Variants in TBCA observed in about 807,000 individuals in gnomAD.
TBCA encodes tubulin folding cofactor A, also known as tubulin-specific chaperone A.
Under a neutral mutation model 15.8 loss-of-function variants are expected in TBCA, and 6 were observed. The ratio of observed to expected loss-of-function variants is 0.38; its 90% CI spans 0.21 to 0.75. The LOEUF is 0.75. Ranked by LOEUF, TBCA falls within the 30% of genes least tolerant of loss-of-function variation. TBCA has a pLI of 0.46. For missense variants in TBCA, 90 were observed against 131.2 expected, an observed-to-expected ratio of 0.69 and a Z score of 1.53; for synonymous variants, 32 against 42.3, an observed-to-expected ratio of 0.76 and a Z score of 0.94.
Position 77,708,343 on chromosome 5 carries a change from C to A in TBCA, c.58G>T (p.Val20Phe), listed in dbSNP as rs757339439. The change falls in exon 2 of 4, where the codon GTC becomes TTC. Residue 20 changes from valine to phenylalanine, a missense_variant. Physicochemically the swap from Val to Phe is conservative, Grantham distance 50 (BLOSUM62 -1). Coordinates refer to ENST00000380377, the MANE Select transcript of TBCA (RefSeq NM_004607.3). Reference protein sequence around the residue: ...KIKTGVVKRLVKEKVMYEKEA... With the variant: ...KIKTGVVKRLFKEKVMYEKEA... ...TTTTCATACATCACTTTTTCTTTGACCAACCTATAAAAAAGCCAAAAATGT... is the reference window on the plus strand; with the variant it reads ...TTTTCATACATCACTTTTTCTTTGAACAACCTATAAAAAAGCCAAAAATGT... 6.2e-7 allele frequency: 1 copy of A among 1,605,210 alleles called. No homozygotes were observed. The highest frequency in any genetic ancestry group is 8.5e-7 in the Non-Finnish European group (1 of 1,175,154).
At position 77,730,062 on chromosome 5, in the gene TBCA, T is replaced by G. The variant is rs563137512; in HGVS notation, c.54-21715A>C. Among the ~76,000 whole-genome samples the G allele has an allele frequency of 4.3e-3, 656 of 152,334 alleles. 3 individuals carry two copies. The highest frequency in any genetic ancestry group is 7.7e-3 in the Non-Finnish European group (526 of 68,022). On this transcript the variant is annotated intron_variant, in intron 1 of 3. Coordinates refer to ENST00000380377, the MANE Select transcript of TBCA (RefSeq NM_004607.3). Reference sequence around the variant, plus strand: ...TTTTGATTTTTTAAAAAAGGAAAGCTCTGAAGCTTGGATATTCTGAAAGAC... The same window carrying G: ...TTTTGATTTTTTAAAAAAGGAAAGCGCTGAAGCTTGGATATTCTGAAAGAC...
chr5:77,692,491 T>A (rs1210802758), intron 3 of TBCA: 1 of 931,112 alleles, frequency 1.1e-6, no homozygotes, highest in Non-Finnish European at 1.3e-6. Context: ...TTTCACCATG[T>A]TGGTCAGGCT....
chr5:77,748,521 A>G (rs994936318), intron 1 of TBCA, among the ~76,000 whole-genome samples: 21 of 151,666 alleles, frequency 1.4e-4, no homozygotes, highest in African/African-American at 5.1e-4. Context: ...TTAGAACTAT[A>G]TTCAAAGTGA....
intron 1 of TBCA, among the ~76,000 whole-genome samples, chr5:77,725,774 A>T (rs1337579230): frequency 6.6e-6 from 1 of 152,194 alleles, no homozygotes; most frequent in African/African-American, 2.4e-5. Context: ...TGTAATAGTT[A>T]GCATATGCTA....
At chr5:77,702,344 A>G (rs1227274436) in intron 2 of TBCA, among the ~76,000 whole-genome samples, 1 of 152,244 alleles carries the variant, frequency 6.6e-6, no homozygotes, top group Non-Finnish European at 1.5e-5. Flanking sequence ...CTTAGCAGTA[A>G]TAAAGAACAA....
intron 2 of TBCA, among the ~76,000 whole-genome samples, chr5:77,696,876 G>C (rs1003857173): frequency 6.6e-6 from 1 of 152,158 alleles, no homozygotes; most frequent in African/African-American, 2.4e-5. Flanking sequence ...CTATGATCGT[G>C]ACAATGTACT....
intron 1 of TBCA, among the ~76,000 whole-genome samples, chr5:77,774,915 A>G (rs1387211950): frequency 6.6e-6 from 1 of 151,988 alleles, no homozygotes; most frequent in Admixed American, 6.6e-5. Context: ...AGAAAAGTCA[A>G]GCTGGGAATT....
chr5:77,695,372 G>A (rs1745849181), intron 2 of TBCA, among the ~76,000 whole-genome samples: 2 of 152,072 alleles, frequency 1.3e-5, no homozygotes, highest in South Asian at 4.2e-4. Flanking sequence ...AGGTACTGAG[G>A]ATACAAAGAT....
At chr5:77,711,579 T>C (rs539856511) in intron 1 of TBCA, among the ~76,000 whole-genome samples, 88 of 152,278 alleles carry the variant, frequency 5.8e-4, no homozygotes, top group Non-Finnish European at 1.0e-3. Flanking sequence ...TTTAACATTT[T>C]CAATTTAAAG....
intron 1 of TBCA, among the ~76,000 whole-genome samples, chr5:77,766,307 ATAGAC>A (rs1423437133): frequency 3.9e-5 from 6 of 152,138 alleles, no homozygotes; most frequent in African/African-American, 7.2e-5. Flanking sequence ...ATTTTCCACA[ATAGAC>A]TAGTCTCTTC....
At chr5:77,775,666 G>T (rs542896402) in intron 1 of TBCA, among the ~76,000 whole-genome samples, 1 of 152,256 alleles carries the variant, frequency 6.6e-6, no homozygotes, top group African/African-American at 2.4e-5. Flanking sequence ...GAGTGTGCTA[G>T]AAGTTCAGGC....
chr5:77,696,075 AG>A (rs967655268), intron 2 of TBCA, among the ~76,000 whole-genome samples: 56 of 152,322 alleles, frequency 3.7e-4, no homozygotes, highest in Admixed American at 9.8e-4. Context: ...CAGAAAGAAG[AG>A]TTCTGTGAAA....
chr5:77,727,496 T>C (rs541932312), intron 1 of TBCA, among the ~76,000 whole-genome samples: 1 of 152,196 alleles, frequency 6.6e-6, no homozygotes, highest in South Asian at 2.1e-4. Context: ...ACGAGAACAA[T>C]ACTATAAGAA....
intron 1 of TBCA, among the ~76,000 whole-genome samples, chr5:77,739,361 T>G (rs1746981360): frequency 6.6e-6 from 1 of 152,130 alleles, no homozygotes; most frequent in African/African-American, 2.4e-5. Flanking sequence ...CTCAGGAGGC[T>G]GAGGCACGAG....
intron 1 of TBCA, among the ~76,000 whole-genome samples, chr5:77,738,529 A>G (rs927878794): frequency 3.3e-5 from 5 of 152,220 alleles, no homozygotes; most frequent in Admixed American, 1.3e-4. Context: ...CCTGCCCACT[A>G]GGCTATGATT....
chr5:77,759,923 T>C (rs1322272368), intron 1 of TBCA, among the ~76,000 whole-genome samples: 1 of 152,226 alleles, frequency 6.6e-6, no homozygotes, highest in Admixed American at 6.5e-5. Flanking sequence ...GTCCTTGCCA[T>C]TGAAGTGGTG....
chr5:77,771,652 G>A (rs373237870), intron 1 of TBCA, among the ~76,000 whole-genome samples: 3 of 152,140 alleles, frequency 2.0e-5, no homozygotes, highest in Non-Finnish European at 4.4e-5. Context: ...TGAAATGGCC[G>A]TCTTGCACGC....
Position 77,696,863 on chromosome 5 carries a change from G to A in TBCA, c.160-3511C>T, listed in dbSNP as rs1002247660. Among the ~76,000 whole-genome samples, 32 of 152,294 alleles carry A rather than the reference G, an allele frequency of 2.1e-4. 1 individual carries two copies. The highest frequency in any genetic ancestry group is 6.5e-5 in the Admixed American group (1 of 15,304). On this transcript the variant is annotated intron_variant, in intron 2 of 3. Transcript: ENST00000380377. ...AGCCCAGGAGCTGGGAGGTTACAATGAGCTATGATCGTGACAATGTACTCC... is the reference window on the plus strand; with the variant it reads ...AGCCCAGGAGCTGGGAGGTTACAATAAGCTATGATCGTGACAATGTACTCC...
At chr5:77,706,542 C>T (rs547203469) in intron 2 of TBCA, among the ~76,000 whole-genome samples, 6 of 152,062 alleles carry the variant, frequency 3.9e-5, no homozygotes, top group African/African-American at 1.4e-4. Flanking sequence ...TGGCTGGGTG[C>T]GGTGGCTCAC....
Sources: allele counts gnomAD v4.1 joint callset (sites outside exome capture counted in the v4.1 genomes callset), GRCh38; gene constraint gnomAD v4.1.1; transcripts MANE v1.5; gene names NCBI Gene and HGNC (gene_info 2026-07-23, HGNC 2026-07-21).